The following CSMD1 variants were observed in gnomAD, a reference collection of about 807,000 sequenced individuals.
The protein encoded by CSMD1 is CUB and sushi domain-containing protein 1.
In CSMD1, 213 loss-of-function variants were observed where a neutral mutation model predicts 417.5. That is an observed-to-expected ratio of 0.51 (90% CI 0.46 to 0.57). CSMD1 has a LOEUF of 0.57. Among genes scored for constraint, CSMD1 ranks in the 20% least tolerant of loss-of-function variants. The pLI, the probability that CSMD1 is intolerant of heterozygous loss-of-function variation, is 0.00. For synonymous variants in CSMD1, 2,862 were observed against 1,736.8 expected (o/e 1.65, Z -16.11); for missense variants, 6,923 against 4,529.7 (o/e 1.53, Z -15.17).
At chr8:3,556,450 G>A (rs1289814971) in intron 10 of CSMD1, among the ~76,000 whole-genome samples, 2 of 137,730 alleles carry the variant, frequency 1.5e-5, no homozygotes, top group Non-Finnish European at 3.1e-5. Flanking sequence ...GATCCTGTGG[G>A]TTGAGATAAT....
At chr8:4,451,985 G>A (rs116786691) in intron 2 of CSMD1, among the ~76,000 whole-genome samples, 19,850 of 148,954 alleles carry the variant, frequency 0.13, 1,428 homozygotes, top group South Asian at 0.22. Flanking sequence ...TATACATATA[G>A]TTTGATATAT....
intron 25 of CSMD1, among the ~76,000 whole-genome samples, chr8:3,304,013 G>C (rs913600269): frequency 6.6e-6 from 1 of 152,082 alleles, no homozygotes; most frequent in African/African-American, 2.4e-5. Flanking sequence ...TATATAAGCA[G>C]AAGTTGCTCT....
intron 49 of CSMD1, among the ~76,000 whole-genome samples, chr8:3,083,650 T>TATA (rs1814304913): frequency 1.3e-4 from 2 of 15,686 alleles, no homozygotes; most frequent in African/African-American, 4.5e-4. Context: ...ATATATATAT[T>TATA]TTTTTTTTTT....
At chr8:4,822,966 A>C (rs1307153737) in intron 1 of CSMD1, among the ~76,000 whole-genome samples, 1 of 152,096 alleles carries the variant, frequency 6.6e-6, no homozygotes, top group African/African-American at 2.4e-5. Flanking sequence ...TGATGATCCC[A>C]TCTAGCAACC....
chr8:4,946,025 C>T (rs183572840), intron 1 of CSMD1, among the ~76,000 whole-genome samples: 8 of 152,278 alleles, frequency 5.3e-5, no homozygotes, highest in African/African-American at 1.7e-4. Context: ...CTCTTGTGAA[C>T]ATCAGACTTC....
chr8:4,472,719 G>A (rs534147502), intron 2 of CSMD1, among the ~76,000 whole-genome samples: 10 of 151,934 alleles, frequency 6.6e-5, no homozygotes, highest in Non-Finnish European at 1.5e-4. Flanking sequence ...GGTGTAAACA[G>A]CACTTTTACT....
chr8:2,964,783 G>C (rs111460511), intron 59 of CSMD1, among the ~76,000 whole-genome samples: 1 of 152,182 alleles, frequency 6.6e-6, no homozygotes, highest in Non-Finnish European at 1.5e-5. Context: ...GGAGACGAAA[G>C]CAGGATGGTC....
intron 3 of CSMD1, among the ~76,000 whole-genome samples, chr8:4,047,902 T>G (rs1227799132): frequency 6.6e-6 from 1 of 152,158 alleles, no homozygotes; most frequent in Non-Finnish European, 1.5e-5. Context: ...TTAGTTTGAT[T>G]TTATGTAGTA....
intron 3 of CSMD1, among the ~76,000 whole-genome samples, chr8:4,244,665 G>T (rs918538914): frequency 6.6e-6 from 1 of 151,972 alleles, no homozygotes; most frequent in Non-Finnish European, 1.5e-5. Context: ...TTACATGACA[G>T]ATTTAAATTG....
chr8:4,378,304 A>G (rs1802883157), intron 3 of CSMD1, among the ~76,000 whole-genome samples: 1 of 152,232 alleles, frequency 6.6e-6, no homozygotes, highest in Non-Finnish European at 1.5e-5. Context: ...GTAACTATTA[A>G]ATTGTTATAA....
chr8:4,730,141 G>C (rs143802841), intron 1 of CSMD1, among the ~76,000 whole-genome samples: 2 of 152,196 alleles, frequency 1.3e-5, no homozygotes, highest in African/African-American at 2.4e-5. Flanking sequence ...TACTTGGAGA[G>C]ATTCCCAGAA....
chr8:4,764,885 A>ACAAACAAAAAAAAAAAACAAAAC (rs1263324929), intron 1 of CSMD1, among the ~76,000 whole-genome samples: 1 of 74,810 alleles, frequency 1.3e-5, no homozygotes, highest in Non-Finnish European at 2.2e-5. Flanking sequence ...AAAAAAAAAA[A>ACAAACAAAAAAAAAAAACAAAAC]AAAAAAAAAC....
chr8:3,499,500 G>A (rs1359612581), intron 10 of CSMD1, among the ~76,000 whole-genome samples: 1 of 152,124 alleles, frequency 6.6e-6, no homozygotes, highest in Non-Finnish European at 1.5e-5. Context: ...ACTGCTTGGA[G>A]TGGGGGGAGT....
At chr8:4,627,726 T>C (rs1478278) in intron 2 of CSMD1, among the ~76,000 whole-genome samples, 128,136 of 152,076 alleles carry the variant, frequency 0.84, 54,122 homozygotes, top group Admixed American at 0.89. Flanking sequence ...AAATAACAGT[T>C]GCTCCCCTCA....
intron 26 of CSMD1, among the ~76,000 whole-genome samples, chr8:3,271,604 T>A (rs901552251): frequency 6.6e-6 from 1 of 152,170 alleles, no homozygotes; most frequent in African/African-American, 2.4e-5. Context: ...TTTCCTCACT[T>A]TTTAATGATT....
Position 3,252,510 on chromosome 8 carries a change from G to C in CSMD1, c.4154-22279C>G, listed in dbSNP as rs563082534. Among the ~76,000 whole-genome samples the C allele has an allele frequency of 6.6e-5, 10 of 152,256 alleles. No individual in the cohort carries two copies. The East Asian group carries it at 1.9e-3, about 29-fold the overall frequency. ...TGCTTTGATGTTCATCAGGGATATT[G>C]GTCTAAAATTCTCTTTTTTTGTTGT... is the stretch of plus-strand genomic sequence containing the variant. On this transcript the variant is annotated intron_variant, in intron 26 of 69. Coordinates refer to ENST00000635120, the MANE Select transcript of CSMD1 (RefSeq NM_033225.6).
At chr8:4,664,377 T>C (rs1433940614) in intron 1 of CSMD1, among the ~76,000 whole-genome samples, 1 of 152,118 alleles carries the variant, frequency 6.6e-6, no homozygotes, top group Non-Finnish European at 1.5e-5. Flanking sequence ...CTGGGCAACA[T>C]GGTGAAACCC....
intron 3 of CSMD1, among the ~76,000 whole-genome samples, chr8:4,206,163 A>G (rs983648810): frequency 6.6e-6 from 1 of 152,156 alleles, no homozygotes; most frequent in Non-Finnish European, 1.5e-5. Context: ...TATTCAGAAT[A>G]TATGGAAATA....
At chr8:3,257,178 T>C (rs554493717) in intron 26 of CSMD1, among the ~76,000 whole-genome samples, 1 of 152,204 alleles carries the variant, frequency 6.6e-6, no homozygotes, top group African/African-American at 2.4e-5. Flanking sequence ...AAAAATTTGC[T>C]GGGTTTGGTG....
Sources: gnomAD v4.1 joint callset for allele counts (sites outside exome capture counted in the v4.1 genomes callset) on GRCh38, gnomAD v4.1.1 for gene constraint, MANE v1.5 for transcripts, NCBI Gene and HGNC (gene_info 2026-07-23, HGNC 2026-07-21) for gene names.